TOP1: variants seen among roughly 807,000 people sequenced by gnomAD.
TOP1 encodes the protein DNA topoisomerase 1.
A neutral mutation model predicts 111.1 loss-of-function variants in TOP1; 10 were observed. The observed-to-expected ratio is 0.09, with a 90% CI of 0.06 to 0.15. The LOEUF is 0.15. Among genes scored for constraint, TOP1 ranks in the 10% least tolerant of loss-of-function variants. TOP1 has a pLI of 1.00. For synonymous variants in TOP1, 271 were observed against 302.9 expected (o/e 0.89, Z 1.10); for missense variants, 474 against 926.7 (o/e 0.51, Z 6.34).
Position 41,029,472 on chromosome 20 carries a change from C to T in TOP1, c.58+17C>T, listed in dbSNP as rs2122578472. 1 of 1,553,846 alleles carries T rather than the reference C, an allele frequency of 6.4e-7. No homozygotes were observed. On this transcript the variant is annotated intron_variant, in intron 2 of 20. Coordinates refer to ENST00000361337, the MANE Select transcript of TOP1 (RefSeq NM_003286.4). This position sits in a 1 kb window ranked among gnomAD's most constrained non-coding sequence, Gnocchi z 6.1. ...GATTGAATGGTGAGTGTGCCCCCTG[C>T]GCCGACTCCGGGGCCCCCCAGCCGC...
chr20:41,060,954 A>C (rs536550851), intron 2 of TOP1, among the ~76,000 whole-genome samples: 5 of 152,268 alleles, frequency 3.3e-5, no homozygotes, highest in African/African-American at 1.2e-4. Context: ...TGGAGGGCTG[A>C]TTGTATTTTA....
Position 41,114,177 on chromosome 20 carries a change from G to C in TOP1, c.1638+22G>C. On this transcript the variant is annotated intron_variant, in intron 15 of 20. Transcript: ENST00000361337. This position sits in a 1 kb window ranked among gnomAD's most constrained non-coding sequence, Gnocchi z 4.5. ...ACGAGTAAGTTAATGTACCTGTACT[G>C]TCTGACTTGTTTTCCATTATTCAAC... The C allele has an allele frequency of 6.3e-7, 1 of 1,587,258 alleles. No individual in the cohort carries two copies. The highest frequency in any genetic ancestry group is 2.2e-5 in the East Asian group (1 of 44,564).
chr20:41,058,507 T>C lies in TOP1; in HGVS notation c.59-2887T>C, dbSNP rs1279607513. Among the ~76,000 whole-genome samples, 1 of 152,232 alleles carries C rather than the reference T, an allele frequency of 6.6e-6. No individual in the cohort carries two copies. Among genetic ancestry groups the C allele is most frequent in the Non-Finnish European group, 1.5e-5 (1 of 68,040 alleles). ...GGCTAATTGGCAGGAAGCTTAAGTTTCTTACTACATGGGCCTTTCCAGAGG... is the reference window on the plus strand; with the variant it reads ...GGCTAATTGGCAGGAAGCTTAAGTTCCTTACTACATGGGCCTTTCCAGAGG... On this transcript the variant is annotated intron_variant, in intron 2 of 20. Transcript: ENST00000361337. This position sits in a 1 kb window ranked among gnomAD's most constrained non-coding sequence, Gnocchi z 4.2.
intron 2 of TOP1, among the ~76,000 whole-genome samples, chr20:41,040,818 A>G (rs2033254519): frequency 6.6e-6 from 1 of 151,874 alleles, no homozygotes; most frequent in Non-Finnish European, 1.5e-5. Flanking sequence ...AAAAAAAAAA[A>G]AAAAAAGACC....
intron 11 of TOP1, 130 bp from the exon 12 acceptor site, chr20:41,099,925 TA>T: frequency 1.7e-6 from 1 of 600,640 alleles, no homozygotes; most frequent in South Asian, 3.2e-5. Context: ...GGTTTTCCTT[TA>T]TTTGAATTTA....
At position 41,083,079 on chromosome 20, in the gene TOP1, T is replaced by C. The variant is rs986383224; in HGVS notation, c.508-1383T>C. ...CTATAGTTTTTTTGTTTTTTGTTTTTTTCTCTTGTTTTTGAGAATTGTTCT... is the reference window on the plus strand; with the variant it reads ...CTATAGTTTTTTTGTTTTTTGTTTTCTTCTCTTGTTTTTGAGAATTGTTCT... On this transcript the variant is annotated intron_variant, in intron 7 of 20. Transcript: ENST00000361337. This position sits in a 1 kb window ranked among gnomAD's most constrained non-coding sequence, Gnocchi z 7.2. 1.3e-5 allele frequency among the ~76,000 whole-genome samples: 2 copies of C among 152,188 alleles called. No homozygotes were observed. The highest frequency in any genetic ancestry group is 1.5e-5 in the Non-Finnish European group (1 of 68,026).
chr20:41,076,124 T>C, intron 3 of TOP1, 47 bp from the exon 4 acceptor site: 1 of 1,571,586 alleles, frequency 6.4e-7, no homozygotes, highest in Non-Finnish European at 8.6e-7. Context: ...AACGAATCCT[T>C]GTGGTCCCTA....
rs534644966 is a variant in TOP1, at chr20:41,055,379, A to G, written c.59-6015A>G. Among the ~76,000 whole-genome samples, 41 of 152,362 alleles carry G rather than the reference A, an allele frequency of 2.7e-4. 1 individual carries two copies. Among genetic ancestry groups the G allele is most frequent in the African/African-American group, 9.9e-4 (41 of 41,584 alleles). ...TGAATTCCAGTTAAGGGGAAAAGGT[A>G]TGTGCTGAAAGTAATCTTCAAGGCC... On this transcript the variant is annotated intron_variant, in intron 2 of 20. Transcript: ENST00000361337.
At chr20:41,104,169 T>A (rs568766341) in intron 13 of TOP1, among the ~76,000 whole-genome samples, 2 of 152,322 alleles carry the variant, frequency 1.3e-5, no homozygotes, top group South Asian at 4.1e-4. Context: ...TACTAGCTGT[T>A]GGATCTTGGG....
At position 41,110,296 on chromosome 20, in the gene TOP1, A is replaced by C. The variant is rs888290275; in HGVS notation, c.1309-2486A>C. 6.6e-6 allele frequency among the ~76,000 whole-genome samples: 1 copy of C among 152,196 alleles called. No homozygotes were observed. Among genetic ancestry groups the C allele is most frequent in the Admixed American group, 6.5e-5 (1 of 15,280 alleles). On this transcript the variant is annotated intron_variant, in intron 13 of 20. Coordinates refer to ENST00000361337, the MANE Select transcript of TOP1 (RefSeq NM_003286.4). The surrounding 1 kb of genome is among the most constrained non-coding windows in gnomAD (Gnocchi z 4.2). ...GAGACGCTGTCTCAGAGGGAAAAAA[A>C]AAAGTTAAAAAGGCAGACAGAGGAG...
In TOP1 at chr20:41,082,972, T is replaced by C. The variant is rs548906254; in HGVS notation, c.508-1490T>C. On this transcript the variant is annotated intron_variant, in intron 7 of 20. Coordinates refer to ENST00000361337, the MANE Select transcript of TOP1 (RefSeq NM_003286.4). The surrounding 1 kb of genome is among the most constrained non-coding windows in gnomAD (Gnocchi z 4.1). ...CCCTACCACATAGGGGGAAAAATGC[T>C]GGCTGAAAGACTGAATTAATACAAT... Among the ~76,000 whole-genome samples the C allele has an allele frequency of 7.2e-5, 11 of 152,378 alleles. No homozygotes were observed. In the South Asian group the frequency reaches 2.3e-3, roughly 32 times the overall value.
chr20:41,073,374 G>GAAA (rs397692656), intron 3 of TOP1: 12 of 749,246 alleles, frequency 1.6e-5, no homozygotes, highest in African/African-American at 5.1e-5. Context: ...GGAAGACAAT[G>GAAA]AAAAAAAAAA....
chr20:41,123,388 G>A lies in TOP1; in HGVS notation c.*91G>A. On this transcript the variant is annotated 3_prime_UTR_variant, in exon 21 of 21. Transcript: ENST00000361337. This position sits in a 1 kb window ranked among gnomAD's most constrained non-coding sequence, Gnocchi z 5.8. ...GCCTCACTTGCCCTCGTGCCTGGGG[G>A]AGAGAGGCAGCAAGTCTTAACAAAC... 1 of 864,112 alleles carries A rather than the reference G, an allele frequency of 1.2e-6. No homozygotes were observed. Among genetic ancestry groups the A allele is most frequent in the Non-Finnish European group, 1.9e-6 (1 of 537,292 alleles). The allele number at this position is 864,112 out of a possible 1,614,324, so 53.5% of individuals were successfully genotyped here.
chr20:41,075,946 AT>A (rs1445730737), intron 3 of TOP1, among the ~76,000 whole-genome samples: 1 of 152,218 alleles, frequency 6.6e-6, no homozygotes, highest in African/African-American at 2.4e-5. Context: ...TTTAAAAAAA[AT>A]GTCCTGGTGT....
chr20:41,100,431 T>C lies in TOP1; in HGVS notation c.1163+188T>C, dbSNP rs2034044774. On this transcript the variant is annotated intron_variant, in intron 12 of 20. Coordinates refer to ENST00000361337, the MANE Select transcript of TOP1 (RefSeq NM_003286.4). The surrounding 1 kb of genome is among the most constrained non-coding windows in gnomAD (Gnocchi z 4.4). ...TGTCTCCCCTCATCCACAGGGGATA[T>C]GTTCCAAGACCCCCAGTGGATGCCT... Among the ~76,000 whole-genome samples the C allele has an allele frequency of 6.6e-6, 1 of 152,224 alleles. No homozygotes were observed. Among genetic ancestry groups the C allele is most frequent in the South Asian group, 2.1e-4 (1 of 4,826 alleles).
Position 41,034,689 on chromosome 20 carries a change from C to T in TOP1, c.58+5234C>T, listed in dbSNP as rs10485678. On this transcript the variant is annotated intron_variant, in intron 2 of 20. Transcript: ENST00000361337. The surrounding 1 kb of genome is among the most constrained non-coding windows in gnomAD (Gnocchi z 4.0). ...TAGGAAAGATCCTAGATATTTTTCA[C>T]ACTGGGAGAGAAGTGATGTTACTGG... is the stretch of plus-strand genomic sequence containing the variant. Among the ~76,000 whole-genome samples the T allele has an allele frequency of 0.094, 14,282 of 152,204 alleles. 923 individuals are homozygous for T. Among genetic ancestry groups the T allele is most frequent in the African/African-American group, 0.18 (7,441 of 41,490 alleles).
rs1441207052 is a variant in TOP1 at position 41,114,470 on chromosome 20, GTAT to G, written c.1638+320_1638+322del. Among the ~76,000 whole-genome samples, 1 of 152,160 alleles carries G rather than the reference GTAT, an allele frequency of 6.6e-6. No homozygotes were observed. The highest frequency in any genetic ancestry group is 6.5e-5 in the Admixed American group (1 of 15,282). ...ATAAATGACTTGAAAGAGGGGAGAG[GTAT>G]TATTTGATATCTTGTGTACCTCCTT... On this transcript the variant is annotated intron_variant, in intron 15 of 20. Coordinates refer to ENST00000361337, the MANE Select transcript of TOP1 (RefSeq NM_003286.4). The surrounding 1 kb of genome is among the most constrained non-coding windows in gnomAD (Gnocchi z 4.5).
chr20:41,087,020 A>G (rs974238684), intron 8 of TOP1, among the ~76,000 whole-genome samples: 6 of 152,174 alleles, frequency 3.9e-5, no homozygotes, highest in African/African-American at 1.4e-4. Flanking sequence ...TATTTTTACT[A>G]TTCCTTATGC....
In TOP1 at chr20:41,030,181, T is replaced by G. The variant is rs2033100639; in HGVS notation, c.58+726T>G. ...CCCTAAAGAAAGTTTGCAAGTTCTC[T>G]GTGGGTCACCCAATGTAAATGTTGG... On this transcript the variant is annotated intron_variant, in intron 2 of 20. Coordinates refer to ENST00000361337, the MANE Select transcript of TOP1 (RefSeq NM_003286.4). This position sits in a 1 kb window ranked among gnomAD's most constrained non-coding sequence, Gnocchi z 4.1. Among the ~76,000 whole-genome samples the G allele has an allele frequency of 6.6e-6, 1 of 152,360 alleles. No homozygotes were observed. Among genetic ancestry groups the G allele is most frequent in the East Asian group, 1.9e-4 (1 of 5,192 alleles).
Sources: allele counts gnomAD v4.1 joint callset (sites outside exome capture counted in the v4.1 genomes callset), GRCh38; gene constraint gnomAD v4.1.1; non-coding constraint Gnocchi (gnomAD v3.1); transcripts MANE v1.5; gene names NCBI Gene and HGNC (gene_info 2026-07-23, HGNC 2026-07-21).